MAP7D2: variants seen among roughly 807,000 people sequenced by gnomAD.
The protein encoded by MAP7D2 is MAP7 domain-containing protein 2.
In MAP7D2, 33 loss-of-function variants were observed where a neutral mutation model predicts 63.5. The observed-to-expected ratio is 0.52, with a 90% CI of 0.39 to 0.70. The LOEUF is 0.70. MAP7D2 is among the 30% of genes least tolerant of loss of function. MAP7D2 has a pLI of 0.00. For synonymous variants in MAP7D2, 224 were observed against 223.7 expected (o/e 1.00, Z -0.01); for missense variants, 626 against 604.0 (o/e 1.04, Z -0.38).
At chrX:20,109,741 C>T (rs2066684009) in intron 1 of MAP7D2, among the ~76,000 whole-genome samples, 1 of 111,320 alleles carries the variant, frequency 9.0e-6, no homozygotes, top group African/African-American at 3.3e-5. Flanking sequence ...CAACCAACCA[C>T]AGACTAAAAA....
At chrX:20,012,278 A>G in intron 15 of MAP7D2, 71 bp downstream of exon 15, 1 of 879,860 alleles carries the variant, frequency 1.1e-6, no homozygotes, top group Middle Eastern at 4.3e-4. Flanking sequence ...TAAAAGACGA[A>G]GAAACCAACT....
intron 1 of MAP7D2, among the ~76,000 whole-genome samples, chrX:20,098,776 G>A (rs2066345167): frequency 8.9e-6 from 1 of 112,295 alleles, no homozygotes; most frequent in African/African-American, 3.2e-5. Context: ...GAGTAAAGAG[G>A]GAGTCCAAAT....
At position 20,010,717 on chromosome X, in the gene MAP7D2, C is replaced by T. The variant is rs755526527; in HGVS notation, c.*26+60G>A. 48 of 1,023,927 alleles carry T rather than the reference C, an allele frequency of 4.7e-5. No individual in the cohort carries two copies. The East Asian group carries it at 1.4e-3, about 30-fold the overall frequency. The allele number at this position is 1,023,927 out of a possible 1,213,427, so 84.4% of individuals were successfully genotyped here. On this transcript the variant is annotated intron_variant, in intron 16 of 16. Coordinates refer to ENST00000379643, the MANE Select transcript of MAP7D2 (RefSeq NM_001168465.2). ...TCCAAGAGGCTGAGTGATATACATCCTATCTTCACAAACCCCAGTTAAAGG... is the reference window on the plus strand; with the variant it reads ...TCCAAGAGGCTGAGTGATATACATCTTATCTTCACAAACCCCAGTTAAAGG...
intron 8 of MAP7D2, among the ~76,000 whole-genome samples, chrX:20,027,184 C>T (rs937872808): frequency 8.9e-6 from 1 of 111,846 alleles, no homozygotes; most frequent in African/African-American, 3.3e-5. Context: ...AGGCCTGGAG[C>T]AACTCAGAAC....
Position 20,013,641 on chromosome X carries a change from A to G in MAP7D2, c.1750-16T>C, listed in dbSNP as rs1294441137. On this transcript the variant is annotated splice_polypyrimidine_tract_variant and intron_variant, in intron 12 of 16. Coordinates refer to ENST00000379643, the MANE Select transcript of MAP7D2 (RefSeq NM_001168465.2). ...CATCTATTCTCTAAAAACAAAAAAC[A>G]AAAAACAAAATCAAGTAAGAGGACA... 2.7e-6 allele frequency: 3 copies of G among 1,130,199 alleles called. No individual in the cohort carries two copies. Among genetic ancestry groups the G allele is most frequent in the Non-Finnish European group, 1.2e-6 (1 of 830,253 alleles). 93.1% of individuals were successfully genotyped at this position (1,130,199 alleles called of 1,213,427 possible). A position where few individuals can be genotyped will look rare whatever the true frequency, so the allele number is the denominator to read the frequency against.
chrX:20,028,443 A>T (rs1603358235), intron 8 of MAP7D2, among the ~76,000 whole-genome samples: 1 of 112,543 alleles, frequency 8.9e-6, no homozygotes, highest in Non-Finnish European at 1.9e-5. Context: ...CAGGAAGATG[A>T]ACTGTAATAA....
In MAP7D2 at chrX:20,056,048, C is replaced by G. The variant is rs1025583390; in HGVS notation, c.484+632G>C. Among the ~76,000 whole-genome samples, 23 of 111,871 alleles carry G rather than the reference C, an allele frequency of 2.1e-4. 1 individual carries two copies. Among genetic ancestry groups the G allele is most frequent in the Non-Finnish European group, 3.8e-4 (20 of 53,201 alleles). ...CTGTAAACACAAATCCATTTGCTCT[C>G]AGATAGAGCTAGTACACACCTCCTG... On this transcript the variant is annotated intron_variant, in intron 4 of 16. Coordinates refer to ENST00000379643, the MANE Select transcript of MAP7D2 (RefSeq NM_001168465.2).
In MAP7D2 at chrX:20,012,388, A is replaced by G. The variant is rs765572779; in HGVS notation, c.2033T>C (p.Leu678Pro). 1.2e-5 allele frequency: 14 copies of G among 1,205,981 alleles called. No individual in the cohort carries two copies. In the Middle Eastern group the frequency reaches 6.9e-4, roughly 59 times the overall value. The change falls in exon 15 of 17, where the codon CTG becomes CCG. Residue 678 changes from leucine (L) to proline (P), a missense_variant. Physicochemically the swap from Leu to Pro is moderately conservative, Grantham distance 98. Coordinates refer to ENST00000379643, the MANE Select transcript of MAP7D2 (RefSeq NM_001168465.2). ...LDALDGKSNSLDDSTEEVQSM... is the reference protein window; with the variant it reads ...LDALDGKSNSPDDSTEEVQSM... Reference sequence around the variant, plus strand: ...CTGAACTTCTTCAGTTGAATCATCCAGGCTATTTGATTTCCCATCAAGGGC... The same window carrying G: ...CTGAACTTCTTCAGTTGAATCATCCGGGCTATTTGATTTCCCATCAAGGGC...
intron 16 of MAP7D2, among the ~76,000 whole-genome samples, chrX:20,009,663 CAAAAAAAAAAAAA>C (rs35018861): frequency 5.6e-4 from 10 of 17,740 alleles, no homozygotes; most frequent in African/African-American, 1.7e-3. Flanking sequence ...GATTCCATCT[CAAAAAAAAAAAAA>C]AAAAAAAAAA....
At chrX:20,010,656 T>C in intron 16 of MAP7D2, 121 bp downstream of exon 16, 1 of 539,847 alleles carries the variant, frequency 1.9e-6, no homozygotes, top group South Asian at 3.1e-5. Context: ...TACCATAATA[T>C]ATTCATGTTT....
chrX:20,054,280 A>ATAAAAC (rs2065019115), intron 4 of MAP7D2, among the ~76,000 whole-genome samples: 1 of 112,455 alleles, frequency 8.9e-6, no homozygotes, highest in Non-Finnish European at 1.9e-5. Flanking sequence ...TAATGTTTTG[A>ATAAAAC]TAAAACTAAA....
chrX:20,087,100 G>T (rs374471714), intron 1 of MAP7D2, among the ~76,000 whole-genome samples: 1 of 112,285 alleles, frequency 8.9e-6, no homozygotes, highest in East Asian at 2.8e-4. Flanking sequence ...GGTGGGGGGA[G>T]TGACAGTTGC....
chrX:20,013,275 T>C (rs1288222765), intron 13 of MAP7D2, 143 bp from the exon 14 acceptor site: 1 of 490,768 alleles, frequency 2.0e-6, no homozygotes, highest in African/African-American at 2.4e-5. Flanking sequence ...CAGCTGTGTT[T>C]CCCTTATTCT....
At chrX:20,095,946 G>T (rs1325104090) in intron 1 of MAP7D2, among the ~76,000 whole-genome samples, 1 of 108,555 alleles carries the variant, frequency 9.2e-6, no homozygotes, top group Non-Finnish European at 1.9e-5. Context: ...GCCAGGCATG[G>T]TGGTGGGCAC....
chrX:20,050,824 C>T lies in MAP7D2; in HGVS notation c.718G>A (p.Val240Ile), dbSNP rs750162649. The change falls in exon 6 of 17, where the codon GTA becomes ATA. Residue 240 changes from valine (V) to isoleucine (I), a missense_variant and splice_region_variant. Coordinates refer to ENST00000379643, the MANE Select transcript of MAP7D2 (RefSeq NM_001168465.2). ...GTGTTACCAGCTTAGCCTCTTTTAC[C>T]TGAATCATTGGCCTGCCCAGAGAGC... is the stretch of plus-strand genomic sequence containing the variant. The part of the protein sequence containing the change: ...VMLSGQANDS[V>I]FHVCPRLAPL... 1 of 1,182,164 alleles carries T rather than the reference C, an allele frequency of 8.5e-7. No individual in the cohort carries two copies.
chrX:20,063,447 T>C lies in MAP7D2; in HGVS notation c.339A>G (p.Glu113=). 8.3e-7 allele frequency: 1 copy of C among 1,211,848 alleles called. No homozygotes were observed. The highest frequency in any genetic ancestry group is 1.8e-5 in the South Asian group (1 of 56,949). Residue 113 remains glutamate (E), a synonymous_variant, in exon 3 of 17, where the codon GAA becomes GAG. Transcript: ENST00000379643. The stretch of plus-strand genomic sequence containing the variant: ...CCCGGAGCTTCTGTTTCCTTTTCTC[T>C]TCCACAGCAGCTCTCTTTTGGTCCT... ...QREDQKRAAV[E]EKRKQKLREE...
At chrX:20,105,584 G>A (rs1284482110) in intron 1 of MAP7D2, among the ~76,000 whole-genome samples, 1 of 111,969 alleles carries the variant, frequency 8.9e-6, no homozygotes, top group Non-Finnish European at 1.9e-5. Context: ...TAGGGCATCT[G>A]TCCTAACAGT....
At chrX:20,076,636 G>A (rs948507397) in intron 1 of MAP7D2, among the ~76,000 whole-genome samples, 7 of 109,811 alleles carry the variant, frequency 6.4e-5, no homozygotes, top group South Asian at 7.8e-4. Flanking sequence ...AGGAGGTGGA[G>A]GTTGCAGTGA....
chrX:20,037,017 G>A (rs751663184), intron 8 of MAP7D2, among the ~76,000 whole-genome samples: 1 of 109,304 alleles, frequency 9.1e-6, no homozygotes, highest in Non-Finnish European at 1.9e-5. Flanking sequence ...CAAAACCAAC[G>A]AAAGAACTCC....
Sources: gnomAD v4.1 joint callset for allele counts (sites outside exome capture counted in the v4.1 genomes callset) on GRCh38, gnomAD v4.1.1 for gene constraint, MANE v1.5 for transcripts, NCBI Gene and HGNC (gene_info 2026-07-23, HGNC 2026-07-21) for gene names.